PARN: variants seen among roughly 807,000 people sequenced by gnomAD.
PARN encodes the protein poly(A)-specific ribonuclease.
In PARN, 71 loss-of-function variants were observed where a neutral mutation model predicts 102.8. That is an observed-to-expected ratio of 0.69 (90% CI 0.57 to 0.84). PARN has a LOEUF of 0.84. PARN is among the 40% of genes least tolerant of loss of function. PARN has a pLI of 0.00. For synonymous variants in PARN, 261 were observed against 252.9 expected (o/e 1.03, Z -0.30); for missense variants, 782 against 760.9 (o/e 1.03, Z -0.33).
At chr16:14,491,245 C>T (rs1964042769) in intron 21 of PARN, among the ~76,000 whole-genome samples, 1 of 150,448 alleles carries the variant, frequency 6.6e-6, no homozygotes, top group East Asian at 2.0e-4. Flanking sequence ...AGATAAAGTG[C>T]AAACTTGCTG....
intron 21 of PARN, among the ~76,000 whole-genome samples, chr16:14,549,876 C>T (rs1043209741): frequency 1.3e-5 from 2 of 152,198 alleles, no homozygotes; most frequent in Admixed American, 6.5e-5. Context: ...CTATTATCTC[C>T]CTCTTAAACA....
intron 22 of PARN, among the ~76,000 whole-genome samples, chr16:14,465,683 C>T (rs962944136): frequency 1.3e-5 from 2 of 151,896 alleles, no homozygotes; most frequent in African/African-American, 4.8e-5. Context: ...TAGGGAAATA[C>T]AAAGGATCTA....
chr16:14,521,478 T>C (rs1227965170), intron 21 of PARN, among the ~76,000 whole-genome samples: 2 of 152,236 alleles, frequency 1.3e-5, no homozygotes, highest in African/African-American at 2.4e-5. Flanking sequence ...AGGAACGCTT[T>C]TGCTTTCCAT....
intron 21 of PARN, among the ~76,000 whole-genome samples, chr16:14,510,953 G>A (rs1321953222): frequency 6.6e-6 from 1 of 152,126 alleles, no homozygotes; most frequent in East Asian, 1.9e-4. Flanking sequence ...AGCCACAGAG[G>A]AAAAAATATT....
intron 18 of PARN, among the ~76,000 whole-genome samples, chr16:14,570,707 G>A (rs1421222402): frequency 2.6e-5 from 4 of 151,046 alleles, no homozygotes; most frequent in Admixed American, 1.3e-4. Context: ...GCTGGGCACC[G>A]TGGCTCATGC....
chr16:14,491,888 T>C (rs544350925), intron 21 of PARN, among the ~76,000 whole-genome samples: 1 of 152,360 alleles, frequency 6.6e-6, no homozygotes, highest in African/African-American at 2.4e-5. Context: ...AGAATGAGGA[T>C]ACAAACTTAT....
intron 18 of PARN, among the ~76,000 whole-genome samples, chr16:14,558,735 T>C (rs902293055): frequency 1.3e-5 from 2 of 152,208 alleles, no homozygotes; most frequent in African/African-American, 4.8e-5. Flanking sequence ...TTCTAAGTTT[T>C]AAAAAGGCAC....
intron 21 of PARN, among the ~76,000 whole-genome samples, chr16:14,543,985 G>A (rs986300299): frequency 3.3e-5 from 5 of 152,064 alleles, no homozygotes; most frequent in African/African-American, 4.8e-5. Flanking sequence ...ACCTGAGGTC[G>A]GGAGTTCAAG....
At chr16:14,550,975 T>C (rs1170789120) in intron 21 of PARN, among the ~76,000 whole-genome samples, 4 of 152,034 alleles carry the variant, frequency 2.6e-5, no homozygotes, top group Non-Finnish European at 4.4e-5. Flanking sequence ...CTCCTTTTTT[T>C]TTCAAGACAG....
chr16:14,526,639 C>A (rs1966026401), intron 21 of PARN, among the ~76,000 whole-genome samples: 1 of 152,136 alleles, frequency 6.6e-6, no homozygotes, highest in Non-Finnish European at 1.5e-5. Flanking sequence ...GGGTGTAATC[C>A]ACAATAAGGA....
chr16:14,455,244 C>A (rs1193541258), intron 22 of PARN, among the ~76,000 whole-genome samples: 1 of 152,230 alleles, frequency 6.6e-6, no homozygotes, highest in Non-Finnish European at 1.5e-5. Flanking sequence ...CCAAAGCCAA[C>A]TGCAGTTAGG....
intron 23 of PARN, among the ~76,000 whole-genome samples, chr16:14,444,733 G>T (rs17259183): frequency 0.028 from 4,331 of 152,252 alleles, 84 homozygotes; most frequent in Non-Finnish European, 0.041. Context: ...TTTAACATTT[G>T]TTGAGCACAC....
At chr16:14,524,361 G>T (rs1965888862) in intron 21 of PARN, among the ~76,000 whole-genome samples, 1 of 152,102 alleles carries the variant, frequency 6.6e-6, no homozygotes, top group Non-Finnish European at 1.5e-5. Context: ...TTCATTACCA[G>T]GTACACCTTC....
chr16:14,452,900 G>C (rs1243635968), intron 22 of PARN, among the ~76,000 whole-genome samples: 2 of 152,162 alleles, frequency 1.3e-5, no homozygotes, highest in Non-Finnish European at 2.9e-5. Context: ...TTAAAAACCA[G>C]ATATATGTAA....
chr16:14,530,525 C>G (rs1436359241), intron 21 of PARN, among the ~76,000 whole-genome samples: 1 of 148,268 alleles, frequency 6.7e-6, no homozygotes, highest in Non-Finnish European at 1.5e-5. Flanking sequence ...CGTACAGAAC[C>G]CTGAAAAAAA....
intron 22 of PARN, among the ~76,000 whole-genome samples, chr16:14,471,283 A>C (rs956711604): frequency 9.9e-5 from 15 of 152,206 alleles, no homozygotes; most frequent in Non-Finnish European, 2.1e-4. Flanking sequence ...CATTTTAATA[A>C]ATAAAGCATA....
At chr16:14,564,633 C>A (rs555353417) in intron 18 of PARN, among the ~76,000 whole-genome samples, 5 of 152,188 alleles carry the variant, frequency 3.3e-5, no homozygotes, top group Non-Finnish European at 5.9e-5. Context: ...GACACACACA[C>A]AGGCCTGGAT....
intron 21 of PARN, among the ~76,000 whole-genome samples, chr16:14,538,219 CTTT>C (rs34012270): frequency 3.8e-5 from 5 of 131,824 alleles, no homozygotes; most frequent in Non-Finnish European, 1.6e-5. Context: ...ATATTTTTCA[CTTT>C]TTTTTTTTTT....
intron 18 of PARN, among the ~76,000 whole-genome samples, chr16:14,570,525 T>C (rs1417190484): frequency 6.7e-6 from 1 of 150,308 alleles, no homozygotes; most frequent in Non-Finnish European, 1.5e-5. Context: ...TGGCGCATGC[T>C]TGTAGTCTCA....
Sources: allele counts gnomAD v4.1 joint callset (sites outside exome capture counted in the v4.1 genomes callset), GRCh38; gene constraint gnomAD v4.1.1; transcripts MANE v1.5; gene names NCBI Gene and HGNC (gene_info 2026-07-23, HGNC 2026-07-21).